The following CNIH3 variants were observed in gnomAD, a reference collection of about 807,000 sequenced individuals.
CNIH3 encodes the protein protein cornichon homolog 3.
A neutral mutation model predicts 24.1 loss-of-function variants in CNIH3; 14 were observed. That is an observed-to-expected ratio of 0.58 (90% CI 0.38 to 0.91). The LOEUF (loss-of-function observed/expected upper bound fraction) is 0.91. Ranked by LOEUF, CNIH3 falls within the 40% of genes least tolerant of loss-of-function variation. The pLI, the probability that CNIH3 is intolerant of heterozygous loss-of-function variation, is 0.00. For missense variants in CNIH3, 178 were observed against 196.8 expected, an observed-to-expected ratio of 0.90 and a Z score of 0.57; for synonymous variants, 68 against 73.8, an observed-to-expected ratio of 0.92 and a Z score of 0.40.
intron 3 of CNIH3, among the ~76,000 whole-genome samples, chr1:224,686,337 C>G (rs904614890): frequency 2.0e-5 from 3 of 152,112 alleles, no homozygotes; most frequent in African/African-American, 7.2e-5. Flanking sequence ...GACATGAATT[C>G]ATCCTTTTTT....
At chr1:224,647,028 G>A (rs1243061931) in intron 1 of CNIH3, among the ~76,000 whole-genome samples, 1 of 152,100 alleles carries the variant, frequency 6.6e-6, no homozygotes, top group Non-Finnish European at 1.5e-5. Flanking sequence ...GCTCTGTCAT[G>A]CAAGCCAGGG....
At chr1:224,656,371 T>C (rs1000993065) in intron 1 of CNIH3, among the ~76,000 whole-genome samples, 4 of 152,088 alleles carry the variant, frequency 2.6e-5, no homozygotes, top group African/African-American at 9.7e-5. Flanking sequence ...GAATATGGAG[T>C]GAATCCACTG....
intron 1 of CNIH3, among the ~76,000 whole-genome samples, chr1:224,495,933 A>G (rs1677418877): frequency 1.3e-5 from 2 of 152,226 alleles, no homozygotes; most frequent in South Asian, 4.1e-4. Context: ...GCAAAACACA[A>G]CAATGAAAAA....
chr1:224,693,480 G>A (rs1207788124), intron 3 of CNIH3, among the ~76,000 whole-genome samples: 1 of 152,192 alleles, frequency 6.6e-6, no homozygotes, highest in Non-Finnish European at 1.5e-5. Flanking sequence ...TGGGCAGGGG[G>A]GATGTTCTTC....
rs769909194 is a variant in CNIH3, at chr1:224,475,051, AAAAG to A, written n.203+40193_203+40196del. Among the ~76,000 whole-genome samples the A allele has an allele frequency of 3.1e-3, 445 of 144,684 alleles. 1 individual carries two copies. Among genetic ancestry groups the A allele is most frequent in the Non-Finnish European group, 5.2e-3 (353 of 67,294 alleles). The allele number at this position is 144,684 out of a possible 152,430, so 94.9% of individuals were successfully genotyped here. A position where few individuals can be genotyped will look rare whatever the true frequency, so the allele number is the denominator to read the frequency against. On this transcript the variant is annotated intron_variant and non_coding_transcript_variant, in intron 1 of 5. Transcript: ENST00000471578. ...CAGAAGGAGACTCCATCTCAAAAAAAAAAGAAAAAAAAAAAAGAAAATCAGAGGC... is the reference window on the plus strand; with the variant it reads ...CAGAAGGAGACTCCATCTCAAAAAAAAAAAAAAAAAAAGAAAATCAGAGGC...
intron 3 of CNIH3, among the ~76,000 whole-genome samples, chr1:224,701,813 A>G (rs1687505484): frequency 6.6e-6 from 1 of 152,194 alleles, no homozygotes; most frequent in Non-Finnish European, 1.5e-5. Context: ...ATAAGCTAGT[A>G]CATGCAAAGC....
chr1:224,502,021 G>C (rs1170616314), intron 1 of CNIH3, among the ~76,000 whole-genome samples: 1 of 152,150 alleles, frequency 6.6e-6, no homozygotes, highest in Admixed American at 6.5e-5. Flanking sequence ...AGGTGCTGAA[G>C]AATGTGGGGA....
At chr1:224,691,352 G>T (rs1204266152) in intron 3 of CNIH3, among the ~76,000 whole-genome samples, 1 of 152,246 alleles carries the variant, frequency 6.6e-6, no homozygotes, top group East Asian at 1.9e-4. Context: ...TATAAGCAGA[G>T]TATATTTCCT....
At chr1:224,454,212 C>A in intron 1 of CNIH3, 1 of 782,062 alleles carries the variant, frequency 1.3e-6, no homozygotes, top group Non-Finnish European at 1.5e-6. Flanking sequence ...TTTATCTACC[C>A]AATATTGTGA....
At chr1:224,449,917 G>C (rs1249645298) in intron 1 of CNIH3, among the ~76,000 whole-genome samples, 1 of 151,814 alleles carries the variant, frequency 6.6e-6, no homozygotes, top group Non-Finnish European at 1.5e-5. Flanking sequence ...GATATTTGCT[G>C]AATGGATTCT....
intron 3 of CNIH3, among the ~76,000 whole-genome samples, chr1:224,561,019 C>A (rs1680352623): frequency 6.6e-6 from 1 of 152,170 alleles, no homozygotes; most frequent in Admixed American, 6.5e-5. Flanking sequence ...TGGCCATTTG[C>A]ATGGCCTCTT....
chr1:224,488,916 C>A (rs1677137143), intron 1 of CNIH3, among the ~76,000 whole-genome samples: 1 of 152,094 alleles, frequency 6.6e-6, no homozygotes, highest in African/African-American at 2.4e-5. Flanking sequence ...TCCTTTAAGT[C>A]CTTGAGCTTA....
At chr1:224,585,314 C>T (rs534833912) in intron 5 of CNIH3, among the ~76,000 whole-genome samples, 22 of 152,200 alleles carry the variant, frequency 1.4e-4, no homozygotes, top group Admixed American at 8.5e-4. Context: ...ACTCAACATA[C>T]GTAATGAGCA....
intron 5 of CNIH3, among the ~76,000 whole-genome samples, chr1:224,584,102 TA>T (rs1315981345): frequency 6.6e-6 from 1 of 152,220 alleles, no homozygotes; most frequent in African/African-American, 2.4e-5. Flanking sequence ...GGACAACTTT[TA>T]AAAAGGATAT....
chr1:224,461,870 C>G (rs1675924540), intron 1 of CNIH3, among the ~76,000 whole-genome samples: 1 of 152,172 alleles, frequency 6.6e-6, no homozygotes, highest in Non-Finnish European at 1.5e-5. Context: ...TTTACTTATT[C>G]TGGACATATA....
intron 2 of CNIH3, 129 bp downstream of exon 2, chr1:224,681,155 C>A (rs1686381782): frequency 2.5e-6 from 2 of 785,212 alleles, no homozygotes; most frequent in East Asian, 2.5e-5. Context: ...GCCTCTCTAC[C>A]TGGCTCAAGG....
chr1:224,661,454 C>G (rs945521980), intron 1 of CNIH3: 8 of 248,796 alleles, frequency 3.2e-5, no homozygotes, highest in African/African-American at 1.9e-4. Flanking sequence ...GTATAGAAAT[C>G]TACTGAATGC....
At chr1:224,622,029 C>T (rs1377830015) in intron 1 of CNIH3, among the ~76,000 whole-genome samples, 1 of 152,168 alleles carries the variant, frequency 6.6e-6, no homozygotes, top group African/African-American at 2.4e-5. Flanking sequence ...TGCCTTTGCT[C>T]CTCCTTCACC....
chr1:224,462,332 G>A (rs1376765302), intron 1 of CNIH3, among the ~76,000 whole-genome samples: 1 of 152,044 alleles, frequency 6.6e-6, no homozygotes, highest in Non-Finnish European at 1.5e-5. Context: ...ATCCTGTTAT[G>A]TTTAAATTTT....
Sources: allele counts gnomAD v4.1 joint callset (sites outside exome capture counted in the v4.1 genomes callset), GRCh38; gene constraint gnomAD v4.1.1; transcripts MANE v1.5; gene names NCBI Gene and HGNC (gene_info 2026-07-23, HGNC 2026-07-21).